The following CEP43 variants were observed in gnomAD, a reference collection of about 807,000 sequenced individuals.
The protein encoded by CEP43 is centrosomal protein 43, also known as FGFR1 oncogene partner.
Under a neutral mutation model 52.6 loss-of-function variants are expected in CEP43, and 36 were observed. The observed-to-expected ratio is 0.68, with a 90% CI of 0.52 to 0.90. The LOEUF is 0.90. CEP43 is among the 40% of genes least tolerant of loss of function. CEP43 has a pLI of 0.00. For synonymous variants in CEP43, 192 were observed against 172.4 expected (o/e 1.11, Z -0.89); for missense variants, 506 against 472.8 (o/e 1.07, Z -0.65).
At position 167,050,336 on chromosome 6, in the gene CEP43, T is replaced by G. The variant is rs1780853288; in HGVS notation, c.*10358T>G. 6.6e-6 allele frequency: 1 copy of G among 152,274 alleles called. No individual in the cohort carries two copies. The highest frequency in any genetic ancestry group is 2.4e-5 in the African/African-American group (1 of 41,466). The allele number at this position is 152,274 out of a possible 1,614,324, so 9.4% of individuals were successfully genotyped here. On this transcript the variant is annotated 3_prime_UTR_variant, in exon 13 of 13. Coordinates refer to ENST00000366847, the MANE Select transcript of CEP43 (RefSeq NM_007045.4). ...GAACTGTGAGTCAATTAAACCTCTT[T>G]CCTTTATAAATTACCAAGCTGCGGC...
rs930086256 is a variant in CEP43 at position 167,050,035 on chromosome 6, C to T, written c.*10057C>T. ...TGTTCTATAGATGTTGATATGGCTT[C>T]GCTGTGTCCCCACTCAAAATCTCAT... On this transcript the variant is annotated 3_prime_UTR_variant, in exon 13 of 13. Coordinates refer to ENST00000366847, the MANE Select transcript of CEP43 (RefSeq NM_007045.4). The T allele has an allele frequency of 3.3e-5, 5 of 152,174 alleles. No homozygotes were observed. The highest frequency in any genetic ancestry group is 2.1e-4 in the South Asian group (1 of 4,826). The allele number at this position is 152,174 out of a possible 1,614,324, so 9.4% of individuals were successfully genotyped here.
rs139512248 is a variant in CEP43 at position 167,000,109 on chromosome 6, T to G, written c.152T>G (p.Val51Gly). The part of the protein sequence containing the change: ...VFLALEEQEK[V>G]ENKTPLVNES... Reference sequence around the variant, plus strand: ...TTAGCACTAGAGGAGCAAGAAAAAGTAGAGGTATGAAGTTTCCAGATTTTA... The same window carrying G: ...TTAGCACTAGAGGAGCAAGAAAAAGGAGAGGTATGAAGTTTCCAGATTTTA... Residue 51 changes from valine (V) to glycine (G), a missense_variant, in exon 2 of 13, where the codon GTA becomes GGA. Val to Gly is a moderately radical substitution (Grantham distance 109). Transcript: ENST00000366847. 111 of 1,611,058 alleles carry G rather than the reference T, an allele frequency of 6.9e-5. 2 individuals carry two copies. The highest frequency in any genetic ancestry group is 9.2e-5 in the Non-Finnish European group (108 of 1,177,922).
At chr6:167,032,530 G>T in intron 10 of CEP43, 73 bp from the exon 11 acceptor site, 3 of 1,355,504 alleles carry the variant, frequency 2.2e-6, no homozygotes, top group East Asian at 2.5e-5. Context: ...TTTTTTTTAA[G>T]GAAATGTGTG....
chr6:167,026,268 C>T (rs1257571904), intron 9 of CEP43, among the ~76,000 whole-genome samples: 7 of 152,264 alleles, frequency 4.6e-5, no homozygotes, highest in East Asian at 1.9e-4. Context: ...GAGGCTGAGG[C>T]GGGAGAATCG....
At chr6:167,025,543 G>C (rs1164767469) in intron 9 of CEP43, among the ~76,000 whole-genome samples, 1 of 152,230 alleles carries the variant, frequency 6.6e-6, no homozygotes, top group Non-Finnish European at 1.5e-5. Context: ...CAGAGCACGT[G>C]TACCTCTTTT....
intron 10 of CEP43, 39 bp downstream of exon 10, chr6:167,026,654 G>A (rs1434101105): frequency 2.3e-6 from 3 of 1,298,958 alleles, no homozygotes; most frequent in Non-Finnish European, 3.4e-6. Flanking sequence ...TCGTTTTAAA[G>A]TGATTATTTT....
Position 167,046,795 on chromosome 6 carries a change from A to G in CEP43, c.*6817A>G, listed in dbSNP as rs1210724694. 5.9e-5 allele frequency: 9 copies of G among 152,270 alleles called. No individual in the cohort carries two copies. Among genetic ancestry groups the G allele is most frequent in the Non-Finnish European group, 1.2e-4 (8 of 68,094 alleles). The allele number at this position is 152,270 out of a possible 1,614,324, so 9.4% of individuals were successfully genotyped here. Reference sequence around the variant, plus strand: ...AACGACCATTCTGCCTCAGGGTAAGAGGCCCGGCCCTCTCAGCCTGAGTCC... The same window carrying G: ...AACGACCATTCTGCCTCAGGGTAAGGGGCCCGGCCCTCTCAGCCTGAGTCC... On this transcript the variant is annotated 3_prime_UTR_variant, in exon 13 of 13. Transcript: ENST00000366847.
intron 5 of CEP43, among the ~76,000 whole-genome samples, chr6:167,007,871 A>G (rs1779890255): frequency 6.6e-6 from 1 of 152,172 alleles, no homozygotes; most frequent in Non-Finnish European, 1.5e-5. Flanking sequence ...TCAATGGATC[A>G]TTTTCATCTC....
At position 167,040,314 on chromosome 6, in the gene CEP43, G is replaced by T. The variant is rs138683004; in HGVS notation, c.*336G>T. On this transcript the variant is annotated 3_prime_UTR_variant, in exon 13 of 13. Coordinates refer to ENST00000366847, the MANE Select transcript of CEP43 (RefSeq NM_007045.4). The stretch of plus-strand genomic sequence containing the variant: ...GGTGTCAATAAAGCCGTAGGATCGC[G>T]CAACCCTTTGTGTGTGTGGCTGCTG... 2 of 1,435,848 alleles carry T rather than the reference G, an allele frequency of 1.4e-6. No homozygotes were observed. The highest frequency in any genetic ancestry group is 2.8e-5 in the Admixed American group (1 of 35,858). 88.9% of individuals were successfully genotyped at this position (1,435,848 alleles called of 1,614,324 possible). A position where few individuals can be genotyped will look rare whatever the true frequency, so the allele number is the denominator to read the frequency against.
chr6:167,027,791 A>G, intron 10 of CEP43: 5 of 770,632 alleles, frequency 6.5e-6, no homozygotes, highest in Non-Finnish European at 7.9e-6. Flanking sequence ...ATGTAAATTA[A>G]AGTACAGTGG....
intron 7 of CEP43, among the ~76,000 whole-genome samples, chr6:167,016,633 A>G (rs564319565): frequency 6.6e-6 from 1 of 152,268 alleles, no homozygotes; most frequent in African/African-American, 2.4e-5. Context: ...TTTGGGGCAT[A>G]TGTTTTTGTA....
Position 167,042,190 on chromosome 6 carries a change from G to T in CEP43, c.*2212G>T. 9.9e-7 allele frequency: 1 copy of T among 1,006,720 alleles called. No individual in the cohort carries two copies. The highest frequency in any genetic ancestry group is 1.2e-6 in the Non-Finnish European group (1 of 841,672). 62.4% of individuals were successfully genotyped at this position (1,006,720 alleles called of 1,614,324 possible). A position where few individuals can be genotyped will look rare whatever the true frequency, so the allele number is the denominator to read the frequency against. ...CTATGAAAAAGCTTTCTTTTCACAT[G>T]TACTTTTTGATTAGGTATTATCAAC... is the stretch of plus-strand genomic sequence containing the variant. On this transcript the variant is annotated 3_prime_UTR_variant, in exon 13 of 13. Transcript: ENST00000366847.
chr6:167,015,876 TAAA>T (rs1482340052), intron 7 of CEP43, among the ~76,000 whole-genome samples: 1 of 152,130 alleles, frequency 6.6e-6, no homozygotes, highest in Non-Finnish European at 1.5e-5. Context: ...ACAATAAAGA[TAAA>T]AATAAAATAA....
At position 167,039,515 on chromosome 6, in the gene CEP43, G is replaced by T. The variant is rs754473421; in HGVS notation, c.1126-389G>T. On this transcript the variant is annotated intron_variant, in intron 12 of 12. Transcript: ENST00000366847. Reference sequence around the variant, plus strand: ...TCCAGTTGTTGATTGATGGGCATTTGGGCTGGGTTTCATGTTTTTGCAATT... The same window carrying T: ...TCCAGTTGTTGATTGATGGGCATTTTGGCTGGGTTTCATGTTTTTGCAATT... 2.2e-4 allele frequency among the ~76,000 whole-genome samples: 33 copies of T among 152,180 alleles called. 1 individual carries two copies. Among genetic ancestry groups the T allele is most frequent in the Non-Finnish European group, 4.4e-5 (3 of 68,034 alleles).
At chr6:167,004,692 C>T (rs1779812394) in intron 5 of CEP43, among the ~76,000 whole-genome samples, 1 of 77,528 alleles carries the variant, frequency 1.3e-5, no homozygotes, top group African/African-American at 4.8e-5. Context: ...CTTGATCCTC[C>T]ATTCATTCCA....
intron 5 of CEP43, among the ~76,000 whole-genome samples, chr6:167,008,823 A>C (rs1234810867): frequency 6.6e-6 from 1 of 152,110 alleles, no homozygotes; most frequent in African/African-American, 2.4e-5. Context: ...AGCCTTTGAA[A>C]ATTTGAAGAG....
At chr6:167,022,040 A>G (rs1780244369) in intron 7 of CEP43, among the ~76,000 whole-genome samples, 1 of 152,212 alleles carries the variant, frequency 6.6e-6, no homozygotes, top group South Asian at 2.1e-4. Flanking sequence ...GCAATGACAT[A>G]TGGAAGAGGA....
intron 6 of CEP43, among the ~76,000 whole-genome samples, chr6:167,013,017 A>G (rs1400008345): frequency 1.3e-5 from 2 of 152,164 alleles, no homozygotes; most frequent in Non-Finnish European, 2.9e-5. Flanking sequence ...GGGATCCAGT[A>G]CTTTCCCTAC....
chr6:167,029,977 T>A (rs1780432287), intron 10 of CEP43, among the ~76,000 whole-genome samples: 1 of 152,216 alleles, frequency 6.6e-6, no homozygotes, highest in Admixed American at 6.5e-5. Context: ...TGGGGGAGAT[T>A]ACAAAGTACA....
Sources: gnomAD v4.1 joint callset for allele counts (sites outside exome capture counted in the v4.1 genomes callset) on GRCh38, gnomAD v4.1.1 for gene constraint, MANE v1.5 for transcripts, NCBI Gene and HGNC (gene_info 2026-07-23, HGNC 2026-07-21) for gene names.